Variants in ROBO2 observed in about 807,000 individuals in gnomAD.
ROBO2 encodes roundabout guidance receptor 2.
Under a neutral mutation model 160.8 loss-of-function variants are expected in ROBO2, and 53 were observed. That is an observed-to-expected ratio of 0.33 (90% CI 0.26 to 0.41). The LOEUF is 0.41. Among genes scored for constraint, ROBO2 ranks in the 10% least tolerant of loss-of-function variants. ROBO2 has a pLI of 1.00. For synonymous variants in ROBO2, 664 were observed against 611.7 expected (o/e 1.09, Z -1.26); for missense variants, 1,577 against 1,722.4 (o/e 0.92, Z 1.49).
At chr3:77,058,632 A>G (rs1331850590) in intron 1 of ROBO2, among the ~76,000 whole-genome samples, 2 of 151,974 alleles carry the variant, frequency 1.3e-5, no homozygotes, top group African/African-American at 4.8e-5. Flanking sequence ...TCCTGGGCTC[A>G]GGTGGTCCTC....
intron 2 of ROBO2, among the ~76,000 whole-genome samples, chr3:76,116,057 G>C (rs1014281141): frequency 2.0e-5 from 3 of 152,122 alleles, no homozygotes; most frequent in African/African-American, 7.2e-5. Flanking sequence ...TTAGAACCAG[G>C]TCTAGATTTT....
intron 2 of ROBO2, among the ~76,000 whole-genome samples, chr3:76,685,051 A>G (rs1330801081): frequency 6.6e-6 from 1 of 152,006 alleles, no homozygotes; most frequent in African/African-American, 2.4e-5. Context: ...AAGTCTCTAC[A>G]TAGGACATTT....
chr3:77,624,417 G>A (rs2094963100), intron 23 of ROBO2, among the ~76,000 whole-genome samples: 1 of 152,022 alleles, frequency 6.6e-6, no homozygotes, highest in Admixed American at 6.6e-5. Context: ...AAATGTGTGA[G>A]AGTGTAGATA....
rs750626067 is a variant in ROBO2, at chr3:77,099,071, C to CTTTTTTTTT, written c.388+741_388+749dup. Among the ~76,000 whole-genome samples, 16 of 121,242 alleles carry CTTTTTTTTT rather than the reference C, an allele frequency of 1.3e-4. 1 individual carries two copies. Among genetic ancestry groups the CTTTTTTTTT allele is most frequent in the South Asian group, 5.6e-4 (2 of 3,596 alleles). 79.5% of individuals were successfully genotyped at this position (121,242 alleles called of 152,430 possible). ...AACAAAATTGTACTTTTCTTTCTTT[C>CTTTTTTTTT]TTTTTTTTTTTTTTTTTTGAGACAG... On this transcript the variant is annotated intron_variant, in intron 2 of 25. Coordinates refer to ENST00000461745, the Ensembl canonical transcript of ROBO2.
At chr3:77,002,793 C>T (rs2061395965) in intron 2 of ROBO2, among the ~76,000 whole-genome samples, 2 of 152,114 alleles carry the variant, frequency 1.3e-5, no homozygotes, top group South Asian at 4.1e-4. Context: ...TTTGATCTGG[C>T]ACACCCATGA....
intron 2 of ROBO2, among the ~76,000 whole-genome samples, chr3:76,602,067 C>A (rs1049265591): frequency 6.6e-6 from 1 of 152,152 alleles, no homozygotes; most frequent in African/African-American, 2.4e-5. Flanking sequence ...ACAAGAGTCG[C>A]CTTTGCTCCA....
intron 2 of ROBO2, among the ~76,000 whole-genome samples, chr3:76,046,001 C>A (rs1195774120): frequency 6.6e-6 from 1 of 151,590 alleles, no homozygotes; most frequent in South Asian, 2.1e-4. Flanking sequence ...AATTTTTTCC[C>A]GAGGAAGTCT....
At chr3:76,585,185 T>C (rs1011598849) in intron 2 of ROBO2, among the ~76,000 whole-genome samples, 2 of 152,230 alleles carry the variant, frequency 1.3e-5, no homozygotes, top group Non-Finnish European at 2.9e-5. Context: ...ATTTTTCCTC[T>C]GAGCAATGAT....
intron 14 of ROBO2, among the ~76,000 whole-genome samples, chr3:77,576,884 A>G (rs2093780615): frequency 6.6e-6 from 1 of 152,150 alleles, no homozygotes; most frequent in Non-Finnish European, 1.5e-5. Flanking sequence ...GATGACATTT[A>G]TAGTTATGTT....
chr3:77,529,665 T>A (rs1416335268), intron 6 of ROBO2, among the ~76,000 whole-genome samples: 1 of 151,874 alleles, frequency 6.6e-6, no homozygotes, highest in Non-Finnish European at 1.5e-5. Context: ...GTTTCCAAAG[T>A]TATTTCCATT....
chr3:77,554,337 A>G (rs1414710945), intron 8 of ROBO2, among the ~76,000 whole-genome samples: 1 of 151,990 alleles, frequency 6.6e-6, no homozygotes, highest in African/African-American at 2.4e-5. Context: ...GAGATGTACA[A>G]AGAGATTAAT....
chr3:76,992,654 T>C (rs1198299350), intron 2 of ROBO2, among the ~76,000 whole-genome samples: 1 of 151,810 alleles, frequency 6.6e-6, no homozygotes, highest in African/African-American at 2.4e-5. Flanking sequence ...TTTTTTTTTC[T>C]ATATGAAGGG....
intron 4 of ROBO2, among the ~76,000 whole-genome samples, chr3:77,488,321 ACT>A (rs1185756865): frequency 6.6e-6 from 1 of 152,126 alleles, no homozygotes; most frequent in Non-Finnish European, 1.5e-5. Flanking sequence ...GCCTCTGATC[ACT>A]CTGCAGTTAT....
chr3:77,633,623 A>C (rs1176695906), intron 23 of ROBO2: 1 of 152,190 alleles, frequency 6.6e-6, no homozygotes, highest in East Asian at 1.9e-4. Context: ...AGGTTATAAA[A>C]ATGAGTCTTG....
At position 77,302,015 on chromosome 3, in the gene ROBO2, G is replaced by A. The variant is rs191110057; in HGVS notation, c.389-175399G>A. 6.0e-3 allele frequency among the ~76,000 whole-genome samples: 914 copies of A among 152,022 alleles called. 7 individuals are homozygous for A. Among genetic ancestry groups the A allele is most frequent in the South Asian group, 6.8e-3 (33 of 4,818 alleles). On this transcript the variant is annotated intron_variant, in intron 2 of 25. Coordinates refer to ENST00000461745, the Ensembl canonical transcript of ROBO2. ...CCTCCTGGGCTCAAGCAATCCTCCTGCCTCAGCCTCCCAAGTAGCTGGGAC... is the reference window on the plus strand; with the variant it reads ...CCTCCTGGGCTCAAGCAATCCTCCTACCTCAGCCTCCCAAGTAGCTGGGAC...
chr3:77,466,224 T>C (rs745507489), intron 2 of ROBO2, among the ~76,000 whole-genome samples: 1 of 152,286 alleles, frequency 6.6e-6, no homozygotes, highest in Middle Eastern at 3.4e-3. Flanking sequence ...TTGAAGAATA[T>C]AGGATGTCAA....
chr3:77,283,154 T>C (rs987574221), intron 2 of ROBO2, among the ~76,000 whole-genome samples: 50 of 152,144 alleles, frequency 3.3e-4, no homozygotes, highest in Admixed American at 9.8e-4. Flanking sequence ...GAAAAATATG[T>C]ATAATATATG....
At chr3:76,562,324 G>C (rs980427700) in intron 2 of ROBO2, among the ~76,000 whole-genome samples, 1 of 151,858 alleles carries the variant, frequency 6.6e-6, no homozygotes, top group African/African-American at 2.4e-5. Flanking sequence ...GATAGTAACA[G>C]CCAATAATAC....
intron 2 of ROBO2, among the ~76,000 whole-genome samples, chr3:76,527,848 C>T (rs1246106726): frequency 1.3e-5 from 2 of 152,014 alleles, no homozygotes; most frequent in African/African-American, 4.8e-5. Context: ...CAAAGACAGA[C>T]AGCAAAAGAG....
Sources: gnomAD v4.1 joint callset for allele counts (sites outside exome capture counted in the v4.1 genomes callset) on GRCh38, gnomAD v4.1.1 for gene constraint, MANE v1.5 for transcripts, NCBI Gene and HGNC (gene_info 2026-07-23, HGNC 2026-07-21) for gene names.